SH3PXD2A: variants seen among roughly 807,000 people sequenced by gnomAD.
SH3PXD2A encodes SH3 and PX domain-containing protein 2A.
SH3PXD2A carries 32 observed loss-of-function variants against 115.2 expected under a neutral mutation model. The ratio of observed to expected loss-of-function variants is 0.28; its 90% CI spans 0.21 to 0.37. The LOEUF (loss-of-function observed/expected upper bound fraction) is 0.37. Ranked by LOEUF, SH3PXD2A falls within the 10% of genes least tolerant of loss-of-function variation. SH3PXD2A has a pLI of 1.00. For synonymous variants in SH3PXD2A, 610 were observed against 629.1 expected, an observed-to-expected ratio of 0.97 and a Z score of 0.45; for missense variants, 1,328 against 1,498.7, an observed-to-expected ratio of 0.89 and a Z score of 1.88.
At chr10:103,795,870 A>AAGGGAGGG (rs1356153823) in intron 2 of SH3PXD2A, among the ~76,000 whole-genome samples, 6 of 147,004 alleles carry the variant, frequency 4.1e-5, no homozygotes, top group Admixed American at 1.4e-4. Context: ...GGAAAGAAGG[A>AAGGGAGGG]AGGGAGGGAG....
intron 1 of SH3PXD2A, among the ~76,000 whole-genome samples, chr10:103,828,270 T>C (rs1269512207): frequency 1.3e-5 from 2 of 152,182 alleles, no homozygotes; most frequent in Admixed American, 1.3e-4. Context: ...GAGTCCATTC[T>C]CCACACCTGG....
At chr10:103,730,519 C>T (rs1221740037) in intron 4 of SH3PXD2A, among the ~76,000 whole-genome samples, 1 of 152,014 alleles carries the variant, frequency 6.6e-6, no homozygotes, top group African/African-American at 2.4e-5. Context: ...TCAGAGTATT[C>T]AAAACACATG....
intron 1 of SH3PXD2A, among the ~76,000 whole-genome samples, chr10:103,810,950 G>GCACACACACACA (rs1286107994): frequency 1.0e-2 from 48 of 4,820 alleles, no homozygotes; most frequent in African/African-American, 0.024. Context: ...AGGCGCGCGC[G>GCACACACACACA]CGCACACACA....
chr10:103,796,114 C>T (rs1313184628), intron 2 of SH3PXD2A, among the ~76,000 whole-genome samples: 6 of 151,978 alleles, frequency 3.9e-5, no homozygotes. Flanking sequence ...AATCCCAACA[C>T]TTTGGAAGAC....
At chr10:103,844,296 A>G (rs1842818597) in intron 1 of SH3PXD2A, among the ~76,000 whole-genome samples, 1 of 152,236 alleles carries the variant, frequency 6.6e-6, no homozygotes, top group Admixed American at 6.5e-5. Flanking sequence ...GGCAGAATTC[A>G]GGACAGAGTT....
chr10:103,730,953 A>G (rs1029403049), intron 4 of SH3PXD2A, among the ~76,000 whole-genome samples: 3 of 152,166 alleles, frequency 2.0e-5, no homozygotes, highest in African/African-American at 7.2e-5. Context: ...CTGAATGTGC[A>G]CCCAGGCAGG....
intron 7 of SH3PXD2A, among the ~76,000 whole-genome samples, chr10:103,667,707 C>T (rs1414639617): frequency 6.6e-6 from 1 of 152,188 alleles, no homozygotes; most frequent in Non-Finnish European, 1.5e-5. Flanking sequence ...TCCCACCCTT[C>T]TGCTTTGTCC....
intron 5 of SH3PXD2A, among the ~76,000 whole-genome samples, chr10:103,704,477 CTG>C (rs899598198): frequency 7.9e-5 from 12 of 152,224 alleles, no homozygotes; most frequent in Non-Finnish European, 1.8e-4. Context: ...ATCTGAATGA[CTG>C]TTATCACTTT....
chr10:103,648,773 C>G (rs918655488), intron 8 of SH3PXD2A, among the ~76,000 whole-genome samples: 1 of 152,226 alleles, frequency 6.6e-6, no homozygotes, highest in Non-Finnish European at 1.5e-5. Flanking sequence ...AAGATCAGAT[C>G]GTCTTTTGCT....
chr10:103,768,278 CG>C (rs1301178166), intron 2 of SH3PXD2A, among the ~76,000 whole-genome samples: 1 of 152,084 alleles, frequency 6.6e-6, no homozygotes, highest in Non-Finnish European at 1.5e-5. Flanking sequence ...GGATATGGTA[CG>C]GGAACAGTAC....
chr10:103,712,952 C>G (rs138268330), intron 5 of SH3PXD2A, among the ~76,000 whole-genome samples: 5 of 152,188 alleles, frequency 3.3e-5, no homozygotes, highest in Non-Finnish European at 7.3e-5. Context: ...GCCTAAGGTC[C>G]CTCATCTGCA....
At chr10:103,614,603 T>C (rs2036480127) in intron 11 of SH3PXD2A, among the ~76,000 whole-genome samples, 1 of 152,186 alleles carries the variant, frequency 6.6e-6, no homozygotes, top group South Asian at 2.1e-4. Flanking sequence ...CCTCGTGGTG[T>C]TGAGTTTTCA....
intron 1 of SH3PXD2A, among the ~76,000 whole-genome samples, chr10:103,839,596 C>G (rs1317163691): frequency 6.7e-6 from 1 of 148,800 alleles, no homozygotes; most frequent in Admixed American, 6.7e-5. Flanking sequence ...CTCCCCCAAG[C>G]CCACACAGCC....
Position 103,816,077 on chromosome 10 carries a change from A to G in SH3PXD2A, c.73-14715T>C, listed in dbSNP as rs151016949. Among the ~76,000 whole-genome samples the G allele has an allele frequency of 6.2e-4, 94 of 152,252 alleles. No individual in the cohort carries two copies. The East Asian group carries it at 0.017, about 28-fold the overall frequency. ...GTGAATATGTCTGGACATCTAAGGT[A>G]CAGCCTGAGGACTACCATCACTAAT... On this transcript the variant is annotated intron_variant, in intron 1 of 14. Coordinates refer to ENST00000369774, the MANE Select transcript of SH3PXD2A (RefSeq NM_001394015.1).
At chr10:103,604,804 C>T (rs2036275732) in intron 14 of SH3PXD2A, among the ~76,000 whole-genome samples, 1 of 152,220 alleles carries the variant, frequency 6.6e-6, no homozygotes, top group African/African-American at 2.4e-5. Flanking sequence ...CTGAGCCTGA[C>T]AGTTCTGCCA....
chr10:103,662,854 G>A (rs1352542497), intron 7 of SH3PXD2A, among the ~76,000 whole-genome samples: 1 of 152,104 alleles, frequency 6.6e-6, no homozygotes, highest in African/African-American at 2.4e-5. Flanking sequence ...GCCCAGGCTG[G>A]AATGCAGTGG....
At chr10:103,827,238 A>G (rs1348264881) in intron 1 of SH3PXD2A, among the ~76,000 whole-genome samples, 1 of 152,038 alleles carries the variant, frequency 6.6e-6, no homozygotes, top group Non-Finnish European at 1.5e-5. Context: ...AAACTGGGCC[A>G]CTTCTGGGCG....
intron 2 of SH3PXD2A, among the ~76,000 whole-genome samples, chr10:103,795,504 G>A (rs563213182): frequency 6.6e-6 from 1 of 152,296 alleles, no homozygotes; most frequent in East Asian, 1.9e-4. Flanking sequence ...TGTCTGGGGA[G>A]AGAGTCTTTG....
rs2038639401 is a variant in SH3PXD2A, at chr10:103,756,217, T to C, written c.229+10877A>G. 6.6e-6 allele frequency among the ~76,000 whole-genome samples: 1 copy of C among 152,088 alleles called. No homozygotes were observed. The highest frequency in any genetic ancestry group is 2.4e-5 in the African/African-American group (1 of 41,440). The stretch of plus-strand genomic sequence containing the variant: ...GTGCCAGGCAGCCCTGGATGAATGA[T>C]ACATCAGTTCACACAGGTGATGCCT... On this transcript the variant is annotated intron_variant, in intron 3 of 14. Coordinates refer to ENST00000369774, the MANE Select transcript of SH3PXD2A (RefSeq NM_001394015.1). The surrounding 1 kb of genome is among the most constrained non-coding windows in gnomAD (Gnocchi z 4.4).
Sources: allele counts gnomAD v4.1 joint callset (sites outside exome capture counted in the v4.1 genomes callset), GRCh38; gene constraint gnomAD v4.1.1; non-coding constraint Gnocchi (gnomAD v3.1); transcripts MANE v1.5; gene names NCBI Gene and HGNC (gene_info 2026-07-23, HGNC 2026-07-21).